LYPLAL1: variants seen among roughly 807,000 people sequenced by gnomAD.
LYPLAL1 encodes the protein lysophospholipase like 1.
A neutral mutation model predicts 19.7 loss-of-function variants in LYPLAL1; 23 were observed. The ratio of observed to expected loss-of-function variants is 1.17; its 90% CI spans 0.84 to 1.65. The LOEUF is 1.65. LYPLAL1 is among the 40% of genes most tolerant of loss of function. The pLI is 0.00. For missense variants in LYPLAL1, 355 were observed against 279.4 expected, an observed-to-expected ratio of 1.27 and a Z score of -1.93; for synonymous variants, 119 against 96.3, an observed-to-expected ratio of 1.24 and a Z score of -1.38.
chr1:219,313,088 C>T, the LYPLAL1 span, among the ~76,000 whole-genome samples: 1 of 152,114 alleles, frequency 6.6e-6, no homozygotes, highest in Non-Finnish European at 1.5e-5. Context: ...AGGCAGATCT[C>T]GTTGTTCTGT....
At chr1:219,208,749 A>G (rs1572212880) in intron 3 of LYPLAL1, among the ~76,000 whole-genome samples, 1 of 152,112 alleles carries the variant, frequency 6.6e-6, no homozygotes, top group East Asian at 1.9e-4. Flanking sequence ...TTTATTTCAA[A>G]ATGTCTTCGC....
the LYPLAL1 span, among the ~76,000 whole-genome samples, chr1:219,429,438 C>T: frequency 6.6e-6 from 1 of 152,000 alleles, no homozygotes; most frequent in African/African-American, 2.4e-5. Flanking sequence ...CAGGAGGATT[C>T]CTAGAGGACA....
intron 3 of LYPLAL1, chr1:219,210,241 A>T (rs1203911138): frequency 5.6e-6 from 1 of 179,658 alleles, no homozygotes; most frequent in Non-Finnish European, 1.2e-5. Context: ...TAATGCTTGT[A>T]ATATGACTCA....
chr1:219,264,680 T>C, the LYPLAL1 span, among the ~76,000 whole-genome samples: 13,458 of 152,160 alleles, frequency 0.088, 814 homozygotes, highest in Middle Eastern at 0.16. Flanking sequence ...TTTCTCCTAT[T>C]TGGTTTTCAA....
intron 3 of LYPLAL1, among the ~76,000 whole-genome samples, chr1:219,198,950 CAT>C (rs753060624): frequency 4.5e-4 from 68 of 152,210 alleles, no homozygotes; most frequent in Admixed American, 2.7e-3. Context: ...TTACACATGA[CAT>C]ATAACTATTC....
At chr1:219,238,195 T>G in the LYPLAL1 span, among the ~76,000 whole-genome samples, 1 of 147,046 alleles carries the variant, frequency 6.8e-6, no homozygotes, top group East Asian at 2.0e-4. Context: ...TGGAGTGCAG[T>G]GGCGCAATCT....
Position 219,193,118 on chromosome 1 carries a change from A to G in LYPLAL1, c.228A>G (p.Val76=), listed in dbSNP as rs181896835. The change falls in exon 3 of 5, where the codon GTA becomes GTG. Residue 76 remains valine, a synonymous_variant. Transcript: ENST00000366928. Reference sequence around the variant, plus strand: ...CTATGAAAGGAGGAATCTCCAATGTATGGTTTGACAGATTTAAAATAACCA... The same window carrying G: ...CTATGAAAGGAGGAATCTCCAATGTGTGGTTTGACAGATTTAAAATAACCA... The part of the protein sequence containing the change: ...YTPMKGGISN[V]WFDRFKITND... 5 of 1,605,180 alleles carry G rather than the reference A, an allele frequency of 3.1e-6. No homozygotes were observed. Among genetic ancestry groups the G allele is most frequent in the African/African-American group, 2.7e-5 (2 of 74,238 alleles).
chr1:219,201,485 C>T (rs1479876206), intron 3 of LYPLAL1, among the ~76,000 whole-genome samples: 1 of 151,498 alleles, frequency 6.6e-6, no homozygotes, highest in Non-Finnish European at 1.5e-5. Flanking sequence ...TTTTGTTAAG[C>T]CTCTTTTGGG....
At chr1:219,211,270 T>C (rs1352196108) in intron 4 of LYPLAL1, among the ~76,000 whole-genome samples, 2 of 152,066 alleles carry the variant, frequency 1.3e-5, no homozygotes, top group African/African-American at 2.4e-5. Context: ...ATAGAATAAA[T>C]GTAAGTGACA....
the LYPLAL1 span, among the ~76,000 whole-genome samples, chr1:219,393,437 A>G: frequency 6.6e-6 from 1 of 152,166 alleles, no homozygotes; most frequent in Non-Finnish European, 1.5e-5. Flanking sequence ...GCCACCCTGG[A>G]TGCCACATAG....
chr1:219,442,338 G>GA, the LYPLAL1 span, among the ~76,000 whole-genome samples: 1 of 151,954 alleles, frequency 6.6e-6, no homozygotes, highest in East Asian at 1.9e-4. Flanking sequence ...ATTTTCACAG[G>GA]AAAAAAAAGT....
chr1:219,306,837 TAGATAGATAGATAGAC>T, the LYPLAL1 span, among the ~76,000 whole-genome samples: 3 of 128,850 alleles, frequency 2.3e-5, no homozygotes, highest in Admixed American at 8.3e-5. Flanking sequence ...GATAGATAGA[TAGATAGATAGATAGAC>T]AGACAGACAG....
chr1:219,343,017 A>G, the LYPLAL1 span, among the ~76,000 whole-genome samples: 1 of 152,180 alleles, frequency 6.6e-6, no homozygotes, highest in African/African-American at 2.4e-5. Context: ...ATAGTGGTCA[A>G]TAGGTGGGGC....
chr1:219,367,064 G>A, the LYPLAL1 span, among the ~76,000 whole-genome samples: 10,317 of 151,662 alleles, frequency 0.068, 501 homozygotes, highest in South Asian at 0.14. Context: ...ACTTGCCTGC[G>A]GTGCTTGCAG....
the LYPLAL1 span, among the ~76,000 whole-genome samples, chr1:219,445,192 A>G: frequency 6.6e-6 from 1 of 151,562 alleles, no homozygotes; most frequent in South Asian, 2.1e-4. Flanking sequence ...TTTTTTAATA[A>G]TAAGTTTCCA....
the LYPLAL1 span, among the ~76,000 whole-genome samples, chr1:219,291,605 G>A: frequency 6.6e-6 from 1 of 152,102 alleles, no homozygotes; most frequent in South Asian, 2.1e-4. Context: ...TGGAGATGGT[G>A]ATGATTACAG....
In LYPLAL1 at chr1:219,173,908, G is replaced by C; in HGVS notation, c.18G>C (p.Gly6=). Reference sequence around the variant, plus strand: ...CATCAGCGATGGCGGCTGCGTCGGGGTCGGTTCTGCAGCGCTGTATCGTGT... The same window carrying C: ...CATCAGCGATGGCGGCTGCGTCGGGCTCGGTTCTGCAGCGCTGTATCGTGT... The part of the protein sequence containing the change: MAAAS[G]SVLQRCIVSP... The change falls in exon 1 of 5, where the codon GGG becomes GGC. Residue 6 remains glycine (G), a synonymous_variant. Transcript: ENST00000366928. 1 of 1,613,350 alleles carries C rather than the reference G, an allele frequency of 6.2e-7. No individual in the cohort carries two copies. The highest frequency in any genetic ancestry group is 1.1e-5 in the South Asian group (1 of 91,084).
At chr1:219,285,062 A>C in the LYPLAL1 span, among the ~76,000 whole-genome samples, 1 of 152,224 alleles carries the variant, frequency 6.6e-6, no homozygotes, top group Non-Finnish European at 1.5e-5. Context: ...GCAAGACTAA[A>C]ATTATTATGT....
chr1:219,244,694 C>T, the LYPLAL1 span, among the ~76,000 whole-genome samples: 1 of 151,976 alleles, frequency 6.6e-6, no homozygotes, highest in Non-Finnish European at 1.5e-5. Flanking sequence ...ATCCGTAATC[C>T]CAGCACTTTG....
Sources: allele counts gnomAD v4.1 joint callset (sites outside exome capture counted in the v4.1 genomes callset), GRCh38; gene constraint gnomAD v4.1.1; transcripts MANE v1.5; gene names NCBI Gene and HGNC (gene_info 2026-07-23, HGNC 2026-07-21).